The following HIRA variants were observed in gnomAD, a reference collection of about 807,000 sequenced individuals.
HIRA encodes the protein protein HIRA.
HIRA carries 13 observed loss-of-function variants against 126.6 expected under a neutral mutation model. The ratio of observed to expected loss-of-function variants is 0.10; its 90% CI spans 0.07 to 0.16. The LOEUF (loss-of-function observed/expected upper bound fraction) is 0.16, where lower values mean the gene tolerates loss of function less well. Ranked by LOEUF, HIRA falls within the 10% of genes least tolerant of loss-of-function variation. The pLI is 1.00. For missense variants in HIRA, 834 were observed against 1,314.4 expected, an observed-to-expected ratio of 0.63 and a Z score of 5.65; for synonymous variants, 511 against 520.0, an observed-to-expected ratio of 0.98 and a Z score of 0.24.
At chr22:19,398,192 G>T in intron 5 of HIRA, 105 bp from the exon 6 acceptor site, 1 of 767,864 alleles carries the variant, frequency 1.3e-6, no homozygotes, top group Non-Finnish European at 2.1e-6. Flanking sequence ...AACCACTCTG[G>T]TATTTTTTAA....
At chr22:19,356,207 G>C (rs1265871923) in intron 20 of HIRA, 23 bp downstream of exon 20, 1 of 1,608,850 alleles carries the variant, frequency 6.2e-7, no homozygotes, top group Admixed American at 1.7e-5. Context: ...AAAAGAGTAG[G>C]GACAGCCTGT....
chr22:19,429,402 C>T (rs1222122425), intron 1 of HIRA, among the ~76,000 whole-genome samples: 1 of 152,154 alleles, frequency 6.6e-6, no homozygotes, highest in African/African-American at 2.4e-5. Context: ...TCCCAAAGTG[C>T]TGGGATTACA....
intron 12 of HIRA, 136 bp downstream of exon 12, chr22:19,385,385 C>T (rs929110128): frequency 2.6e-6 from 2 of 776,532 alleles, no homozygotes; most frequent in South Asian, 1.8e-5. Flanking sequence ...AAGGGGCCAA[C>T]AGGCCCGAGG....
intron 1 of HIRA, among the ~76,000 whole-genome samples, chr22:19,411,541 G>A (rs993151875): frequency 6.6e-6 from 1 of 152,212 alleles, no homozygotes; most frequent in Non-Finnish European, 1.5e-5. Context: ...CCTGCTTCTA[G>A]GACAAAGGTT....
intron 24 of HIRA, among the ~76,000 whole-genome samples, chr22:19,332,349 G>A (rs926837649): frequency 6.6e-6 from 1 of 152,154 alleles, no homozygotes; most frequent in East Asian, 1.9e-4. Context: ...TGTTAGAGAT[G>A]GGATAAGCAG....
At position 19,378,086 on chromosome 22, in the gene HIRA, A is replaced by G. The variant is rs1320064759; in HGVS notation, c.1416-20T>C. 1 of 1,513,174 alleles carries G rather than the reference A, an allele frequency of 6.6e-7. No homozygotes were observed. The highest frequency in any genetic ancestry group is 2.2e-5 in the Admixed American group (1 of 45,772). The allele number at this position is 1,513,174 out of a possible 1,614,324, so 93.7% of individuals were successfully genotyped here. A position where few individuals can be genotyped will look rare whatever the true frequency, so the allele number is the denominator to read the frequency against. On this transcript the variant is annotated intron_variant, in intron 13 of 24. Coordinates refer to ENST00000263208, the MANE Select transcript of HIRA (RefSeq NM_003325.4). ...AAGTCCCTGTCATCAAGTAAGAACA[A>G]AAGTCAGCCTTGAAAGTCAGGTGCC...
chr22:19,380,865 C>A (rs982390886), intron 13 of HIRA, among the ~76,000 whole-genome samples: 2 of 152,200 alleles, frequency 1.3e-5, no homozygotes, highest in African/African-American at 4.8e-5. Flanking sequence ...CTCAGGTGAT[C>A]TGCCTGCCTC....
intron 1 of HIRA, among the ~76,000 whole-genome samples, chr22:19,412,257 C>G (rs969964161): frequency 2.0e-5 from 3 of 152,062 alleles, no homozygotes; most frequent in Admixed American, 6.6e-5. Flanking sequence ...TCAAAGAGCC[C>G]GGACAAGTGA....
At chr22:19,352,559 A>G (rs1434723416) in intron 23 of HIRA, among the ~76,000 whole-genome samples, 3 of 152,250 alleles carry the variant, frequency 2.0e-5, no homozygotes, top group African/African-American at 7.2e-5. Flanking sequence ...GTATGTACAC[A>G]CACACACACA....
chr22:19,410,630 A>T, intron 2 of HIRA, 86 bp downstream of exon 2: 1 of 918,256 alleles, frequency 1.1e-6, no homozygotes, highest in Non-Finnish European at 1.8e-6. Context: ...AATAGCAAGT[A>T]TTCCCTCTAC....
intron 7 of HIRA, 119 bp downstream of exon 7, chr22:19,396,668 C>A: frequency 9.9e-7 from 1 of 1,006,672 alleles, no homozygotes; most frequent in South Asian, 1.5e-5. Flanking sequence ...CTCAGGCCCC[C>A]GGACTCTGTG....
rs2089303788 is a variant in HIRA, at chr22:19,405,828, C to T, written c.355G>A (p.Glu119Lys). 1.3e-6 allele frequency: 2 copies of T among 1,510,664 alleles called. No homozygotes were observed. Among genetic ancestry groups the T allele is most frequent in the Admixed American group, 4.2e-5 (2 of 47,256 alleles). 93.6% of individuals were successfully genotyped at this position (1,510,664 alleles called of 1,614,324 possible). A position where few individuals can be genotyped will look rare whatever the true frequency, so the allele number is the denominator to read the frequency against. ...AGGATAGAGACACACCGCCACTGCT[C>T]CACATTGGCAAGCTTACCACTGGAG... ...FGSSGKLANV[E>K]QWRCVSILRN... Residue 119 changes from glutamate to lysine, a missense_variant, in exon 5 of 25, where the codon GAG becomes AAG. By Grantham distance (56) the Glu-to-Lys change is moderately conservative. Transcript: ENST00000263208.
At chr22:19,431,160 C>T (rs1293148830) in intron 1 of HIRA, among the ~76,000 whole-genome samples, 1 of 152,226 alleles carries the variant, frequency 6.6e-6, no homozygotes, top group African/African-American at 2.4e-5. Context: ...TCCTGGGAGC[C>T]AGGCCGCGGC....
chr22:19,406,589 T>C (rs1451646614), intron 4 of HIRA, among the ~76,000 whole-genome samples: 2 of 152,114 alleles, frequency 1.3e-5, no homozygotes, highest in African/African-American at 2.4e-5. Context: ...TGTGCTGAGA[T>C]AGCCAAGTAG....
intron 24 of HIRA, among the ~76,000 whole-genome samples, chr22:19,334,205 G>A (rs1434798498): frequency 6.6e-6 from 1 of 151,428 alleles, no homozygotes; most frequent in African/African-American, 2.4e-5. Context: ...TCGATCTCCT[G>A]ACCTTGTGAT....
intron 16 of HIRA, 44 bp from the exon 17 acceptor site, chr22:19,361,385 G>A (rs780224081): frequency 4.5e-6 from 7 of 1,543,362 alleles, no homozygotes; most frequent in South Asian, 2.2e-5. Flanking sequence ...CTAACACTAC[G>A]GGGTAGCATT....
intron 3 of HIRA, 116 bp from the exon 4 acceptor site, chr22:19,407,390 G>C (rs2146241486): frequency 1.3e-6 from 1 of 772,698 alleles, no homozygotes; most frequent in Non-Finnish European, 2.1e-6. Context: ...ATCTATTTAA[G>C]GCATCTACTG....
intron 17 of HIRA, 69 bp downstream of exon 17, chr22:19,361,168 T>G (rs1168426555): frequency 5.2e-6 from 6 of 1,162,958 alleles, no homozygotes; most frequent in African/African-American, 1.5e-5. Flanking sequence ...AGATAGGATT[T>G]GTATGCAGTA....
chr22:19,333,870 T>TG (rs1181353000), intron 24 of HIRA, among the ~76,000 whole-genome samples: 1 of 152,236 alleles, frequency 6.6e-6, no homozygotes, highest in East Asian at 1.9e-4. Context: ...AGTCTGCTGT[T>TG]GAACCCTTCT....
Sources: gnomAD v4.1 joint callset for allele counts (sites outside exome capture counted in the v4.1 genomes callset) on GRCh38, gnomAD v4.1.1 for gene constraint, MANE v1.5 for transcripts, NCBI Gene and HGNC (gene_info 2026-07-23, HGNC 2026-07-21) for gene names.